Variants in UBR7 observed in about 807,000 individuals in gnomAD.
UBR7 encodes ubiquitin protein ligase E3 component n-recognin 7.
In UBR7, 22 loss-of-function variants were observed where a neutral mutation model predicts 57.0. The ratio of observed to expected loss-of-function variants is 0.39; its 90% confidence interval spans 0.28 to 0.55. The LOEUF is 0.55. Among genes scored for constraint, UBR7 ranks in the 20% least tolerant of loss-of-function variants. UBR7 has a pLI of 0.69. For synonymous variants in UBR7, 167 were observed against 179.8 expected (o/e 0.93, Z 0.57); for missense variants, 395 against 513.2 (o/e 0.77, Z 2.23).
chr14:93,221,489 A>G (rs1894706064), intron 9 of UBR7, among the ~76,000 whole-genome samples: 1 of 151,380 alleles, frequency 6.6e-6, no homozygotes, highest in African/African-American at 2.4e-5. Context: ...TCCCGAGCTG[A>G]GGTGATCCAC....
chr14:93,212,902 T>TA (rs1396653008), intron 4 of UBR7, among the ~76,000 whole-genome samples: 2 of 152,206 alleles, frequency 1.3e-5, no homozygotes, highest in African/African-American at 4.8e-5. Flanking sequence ...CATACAGTAA[T>TA]ACAACTGAGT....
At position 93,228,102 on chromosome 14, in the gene UBR7, T is replaced by G; in HGVS notation, c.*1067T>G. 1 of 680,912 alleles carries G rather than the reference T, an allele frequency of 1.5e-6. No homozygotes were observed. The highest frequency in any genetic ancestry group is 2.7e-6 in the Non-Finnish European group (1 of 372,806). 42.2% of individuals were successfully genotyped at this position (680,912 alleles called of 1,614,324 possible). On this transcript the variant is annotated 3_prime_UTR_variant, in exon 11 of 11. Transcript: ENST00000013070. The stretch of plus-strand genomic sequence containing the variant: ...GGAAGAGACAGACTGTGGAAGAGAT[T>G]ACAAACAAGGCCCGAGGCTGCACGA...
chr14:93,208,335 T>C (rs1314325092), intron 1 of UBR7, among the ~76,000 whole-genome samples: 1 of 152,086 alleles, frequency 6.6e-6, no homozygotes, highest in Non-Finnish European at 1.5e-5. Context: ...TAATACCAGT[T>C]CTCGTTGTTG....
intron 1 of UBR7, among the ~76,000 whole-genome samples, 177 bp from the exon 2 acceptor site, chr14:93,209,647 C>T (rs1300517694): frequency 2.0e-5 from 3 of 152,208 alleles, no homozygotes; most frequent in African/African-American, 7.2e-5. Flanking sequence ...ATGAAACTTG[C>T]AACGCAACTG....
intron 4 of UBR7, among the ~76,000 whole-genome samples, chr14:93,213,624 A>T (rs569246511): frequency 4.0e-5 from 6 of 151,332 alleles, no homozygotes; most frequent in Non-Finnish European, 7.4e-5. Context: ...AGTATCTTAA[A>T]TTTTTTTTTC....
intron 10 of UBR7, among the ~76,000 whole-genome samples, chr14:93,225,841 A>C (rs1894838916): frequency 6.6e-6 from 1 of 152,158 alleles, no homozygotes; most frequent in South Asian, 2.1e-4. Context: ...CTTGCTAGAG[A>C]TATTTCCTTT....
At chr14:93,222,505 G>A (rs1181359807) in intron 10 of UBR7, 131 bp downstream of exon 10, 2 of 732,198 alleles carry the variant, frequency 2.7e-6, no homozygotes, top group East Asian at 2.7e-5. Context: ...AGTACTTTGG[G>A]AGGCCAATGT....
intron 9 of UBR7, among the ~76,000 whole-genome samples, chr14:93,220,632 G>A (rs1446401074): frequency 6.6e-6 from 1 of 152,096 alleles, no homozygotes; most frequent in Non-Finnish European, 1.5e-5. Context: ...CACAACATAT[G>A]CTATTCTGAT....
intron 6 of UBR7, among the ~76,000 whole-genome samples, chr14:93,216,013 G>T (rs551909486): frequency 1.1e-4 from 17 of 152,302 alleles, no homozygotes; most frequent in African/African-American, 3.8e-4. Flanking sequence ...TGGAGACTGG[G>T]AAGTCCAAAA....
intron 9 of UBR7, among the ~76,000 whole-genome samples, chr14:93,221,389 C>T (rs1459300216): frequency 2.0e-5 from 3 of 151,886 alleles, no homozygotes; most frequent in African/African-American, 7.2e-5. Context: ...ACTGGGATTA[C>T]AGGCATGAGC....
Position 93,224,594 on chromosome 14 carries a change from G to C in UBR7, c.1185+2220G>C, listed in dbSNP as rs796439637. 4.6e-5 allele frequency among the ~76,000 whole-genome samples: 7 copies of C among 151,994 alleles called. 1 individual carries two copies. The South Asian group carries it at 1.2e-3, about 27-fold the overall frequency. On this transcript the variant is annotated intron_variant, in intron 10 of 10. Coordinates refer to ENST00000013070, the MANE Select transcript of UBR7 (RefSeq NM_175748.4). ...GGGTTTCACCGTGTTAGCCAGGATG[G>C]TCTCGATTTCCTGACCTTGTGATCC...
intron 4 of UBR7, among the ~76,000 whole-genome samples, chr14:93,213,338 C>T (rs113299357): frequency 0.024 from 3,558 of 150,922 alleles, 157 homozygotes; most frequent in African/African-American, 0.083. Context: ...GACGGAGTCT[C>T]GCTCTGTCAC....
intron 10 of UBR7, among the ~76,000 whole-genome samples, chr14:93,224,664 A>G (rs886491664): frequency 5.3e-5 from 8 of 152,140 alleles, no homozygotes; most frequent in Non-Finnish European, 1.2e-4. Context: ...GGCATGAGCC[A>G]CCTCGCCCGG....
At chr14:93,218,837 C>T (rs1381538446) in intron 7 of UBR7, 102 bp downstream of exon 7, 5 of 1,257,914 alleles carry the variant, frequency 4.0e-6, no homozygotes, top group Non-Finnish European at 5.6e-6. Flanking sequence ...GGCGGATCAC[C>T]TGAGGTCACG....
intron 10 of UBR7, among the ~76,000 whole-genome samples, chr14:93,226,027 G>A (rs959908683): frequency 2.6e-5 from 4 of 152,198 alleles, no homozygotes; most frequent in African/African-American, 9.7e-5. Context: ...TTCAGCCTCT[G>A]CATCCTGAAT....
chr14:93,219,041 T>C (rs1192152861), intron 7 of UBR7, among the ~76,000 whole-genome samples, 171 bp from the exon 8 acceptor site: 1 of 150,234 alleles, frequency 6.7e-6, no homozygotes, highest in Admixed American at 6.6e-5. Flanking sequence ...GGCAACAGAA[T>C]GAGATTCCGT....
chr14:93,213,949 C>T lies in UBR7; in HGVS notation c.442-980C>T, dbSNP rs149851057. On this transcript the variant is annotated intron_variant, in intron 4 of 10. Transcript: ENST00000013070. ...GATTTTTTTTTTCTTTTTTTTAAGA[C>T]GGAGTTTCGCTCTGTCACCCAGGCT... 4.5e-3 allele frequency among the ~76,000 whole-genome samples: 684 copies of T among 151,026 alleles called. 7 individuals are homozygous for T. Among genetic ancestry groups the T allele is most frequent in the African/African-American group, 0.016 (650 of 41,106 alleles).
chr14:93,218,571 G>C lies in UBR7; in HGVS notation c.646G>C (p.Asp216His), dbSNP rs1403671490. Residue 216 changes from aspartate to histidine, a missense_variant, in exon 7 of 11, where the codon GAT becomes CAT. Asp to His is a moderately conservative substitution (Grantham distance 81, BLOSUM62 -1). Transcript: ENST00000013070. Reference sequence around the variant, plus strand: ...GGATGATGGATTGGTGCGGAACATTGATGGAATAGGTGATCAGGAAGTTAT... The same window carrying C: ...GGATGATGGATTGGTGCGGAACATTCATGGAATAGGTGATCAGGAAGTTAT... ...TEDDGLVRNI[D>H]GIGDQEVIKP... 2.5e-6 allele frequency: 4 copies of C among 1,613,992 alleles called. No individual in the cohort carries two copies. Among genetic ancestry groups the C allele is most frequent in the African/African-American group, 2.7e-5 (2 of 74,906 alleles).
Position 93,215,167 on chromosome 14 carries a change from T to C in UBR7, c.496-9T>C, listed in dbSNP as rs770702030. 18 of 1,564,488 alleles carry C rather than the reference T, an allele frequency of 1.2e-5. No individual in the cohort carries two copies. The highest frequency in any genetic ancestry group is 1.5e-5 in the Non-Finnish European group (17 of 1,152,988). ...TCACAAGAAAATTTTTGGTGTTCTA[T>C]ATTCACAGCATCTTGGTGCCATTCC... On this transcript the variant is annotated splice_polypyrimidine_tract_variant and intron_variant, in intron 5 of 10. Coordinates refer to ENST00000013070, the MANE Select transcript of UBR7 (RefSeq NM_175748.4).
Sources: gnomAD v4.1 joint callset for allele counts (sites outside exome capture counted in the v4.1 genomes callset) on GRCh38, gnomAD v4.1.1 for gene constraint, MANE v1.5 for transcripts, NCBI Gene and HGNC (gene_info 2026-07-23, HGNC 2026-07-21) for gene names.